The following BNIP2 variants were observed in gnomAD, a reference collection of about 807,000 sequenced individuals.
BNIP2 encodes BCL2 interacting protein 2, also known as BCL2/adenovirus E1B 19 kDa protein-interacting protein 2.
A neutral mutation model predicts 43.4 loss-of-function variants in BNIP2; 36 were observed. That is an observed-to-expected ratio of 0.83 (90% confidence interval 0.64 to 1.10). The LOEUF (loss-of-function observed/expected upper bound fraction) is 1.10. Among genes scored for constraint, BNIP2 ranks in the 50% least tolerant of loss-of-function variants. The probability of loss-of-function intolerance (pLI) is 0.00; values close to 1 mark genes in which losing one functional copy is unlikely to be tolerated. For missense variants in BNIP2, 417 were observed against 374.1 expected, an observed-to-expected ratio of 1.11 and a Z score of -0.95; for synonymous variants, 146 against 121.0, an observed-to-expected ratio of 1.21 and a Z score of -1.35.
intron 5 of BNIP2, among the ~76,000 whole-genome samples, chr15:59,675,993 A>C (rs1205992152): frequency 6.6e-6 from 1 of 152,170 alleles, no homozygotes; most frequent in African/African-American, 2.4e-5. Context: ...CTTCTGGGAC[A>C]ATGAAAATGT....
chr15:59,669,674 A>G (rs191935741), intron 7 of BNIP2, among the ~76,000 whole-genome samples: 14 of 152,224 alleles, frequency 9.2e-5, no homozygotes, highest in Admixed American at 2.0e-4. Context: ...ACTGAATGTA[A>G]AAGTAAACTA....
chr15:59,673,172 G>A (rs566395374), intron 5 of BNIP2, among the ~76,000 whole-genome samples: 1 of 150,988 alleles, frequency 6.6e-6, no homozygotes, highest in Non-Finnish European at 1.5e-5. Context: ...AGGCTGGAGG[G>A]CAGTGGCACA....
rs536271903 is a variant in BNIP2, at chr15:59,686,074, G to A, written c.-58+3061C>T. On this transcript the variant is annotated intron_variant, in intron 1 of 9. Coordinates refer to ENST00000607373, the MANE Select transcript of BNIP2 (RefSeq NM_004330.4). ...CTTGGTAGTGGTGGCACATCCTTAT[G>A]CCACTTACTTGTTGCAGTCATAAAG... Among the ~76,000 whole-genome samples the A allele has an allele frequency of 5.3e-5, 8 of 152,276 alleles. No homozygotes were observed. In the South Asian group the frequency reaches 1.7e-3, roughly 32 times the overall value.
At chr15:59,688,484 G>A in intron 1 of BNIP2, 1 of 445,512 alleles carries the variant, frequency 2.2e-6, no homozygotes, top group Non-Finnish European at 4.0e-6. Flanking sequence ...ATGCAACACC[G>A]GAAAAGCTGT....
Position 59,674,770 on chromosome 15 carries a change from C to T in BNIP2, c.473-2031G>A, listed in dbSNP as rs565657894. On this transcript the variant is annotated intron_variant, in intron 5 of 9. Transcript: ENST00000607373. Reference sequence around the variant, plus strand: ...CTGACTTACCACTAACATTCTAGCACTATTTACAATGTGCCTAGGTTAACT... The same window carrying T: ...CTGACTTACCACTAACATTCTAGCATTATTTACAATGTGCCTAGGTTAACT... 2.6e-5 allele frequency among the ~76,000 whole-genome samples: 4 copies of T among 152,318 alleles called. No homozygotes were observed. The East Asian group carries it at 7.7e-4, about 29-fold the overall frequency.
chr15:59,677,471 C>T (rs936681730), intron 5 of BNIP2: 2 of 1,416,370 alleles, frequency 1.4e-6, no homozygotes, highest in African/African-American at 1.4e-5. Context: ...GAGCAGGTGA[C>T]TGGAAATCTA....
chr15:59,666,647 A>G (rs1200875722), intron 9 of BNIP2, among the ~76,000 whole-genome samples: 3 of 152,206 alleles, frequency 2.0e-5, no homozygotes, highest in Non-Finnish European at 2.9e-5. Context: ...TGCCTGGGTG[A>G]CAAGAGTGAA....
rs2306355 is a variant in BNIP2 at position 59,663,452 on chromosome 15, A to G, written c.*617T>C. ...GTACTTGCTGAATTATGAAACAAAT[A>G]TGTTAAATGAGAAAAAAACCTTGGG... On this transcript the variant is annotated 3_prime_UTR_variant, in exon 10 of 10. Coordinates refer to ENST00000607373, the MANE Select transcript of BNIP2 (RefSeq NM_004330.4). 100,305 of 152,588 alleles carry G rather than the reference A, an allele frequency of 0.66. 33,375 individuals are homozygous for G. Among genetic ancestry groups the G allele is most frequent in the African/African-American group, 0.74 (30,903 of 41,532 alleles). The allele number at this position is 152,588 out of a possible 1,614,324, so 9.5% of individuals were successfully genotyped here. A position where few individuals can be genotyped will look rare whatever the true frequency, so the allele number is the denominator to read the frequency against.
intron 5 of BNIP2, among the ~76,000 whole-genome samples, chr15:59,673,324 C>A (rs1054053608): frequency 1.3e-5 from 2 of 151,968 alleles, no homozygotes; most frequent in Non-Finnish European, 2.9e-5. Flanking sequence ...CTAAGTTGGC[C>A]AGACTGGTCT....
At chr15:59,686,941 T>C (rs924292960) in intron 1 of BNIP2, among the ~76,000 whole-genome samples, 4 of 152,114 alleles carry the variant, frequency 2.6e-5, no homozygotes, top group African/African-American at 9.7e-5. Context: ...CGCTTGAACC[T>C]GGGAGGCAGA....
intron 1 of BNIP2, 38 bp downstream of exon 1, chr15:59,689,097 C>T: frequency 6.6e-7 from 1 of 1,523,326 alleles, no homozygotes; most frequent in Non-Finnish European, 8.8e-7. Flanking sequence ...AGTCCAGCTC[C>T]GGAGCCACCG....
chr15:59,665,143 A>T (rs1488212200), intron 9 of BNIP2, among the ~76,000 whole-genome samples: 1 of 152,080 alleles, frequency 6.6e-6, no homozygotes, highest in Non-Finnish European at 1.5e-5. Context: ...ACGCGTCTGT[A>T]GTCCCAGCTA....
intron 3 of BNIP2, among the ~76,000 whole-genome samples, 175 bp from the exon 4 acceptor site, chr15:59,679,943 G>A (rs1298196708): frequency 1.3e-5 from 2 of 151,976 alleles, no homozygotes; most frequent in Non-Finnish European, 2.9e-5. Context: ...CTACATCGTT[G>A]GCAAGAGATC....
At chr15:59,669,848 A>G (rs1381711785) in intron 7 of BNIP2, among the ~76,000 whole-genome samples, 2 of 152,246 alleles carry the variant, frequency 1.3e-5, no homozygotes, top group African/African-American at 4.8e-5. Flanking sequence ...ATTAAAAATT[A>G]AAGGTTTTAT....
rs11071467 is a variant in BNIP2, at chr15:59,660,142, T to C, written c.*3927A>G. 24,925 of 152,152 alleles carry C rather than the reference T, an allele frequency of 0.16. 2,267 individuals are homozygous for C. Among genetic ancestry groups the C allele is most frequent in the Middle Eastern group, 0.27 (78 of 294 alleles). 9.4% of individuals were successfully genotyped at this position (152,152 alleles called of 1,614,324 possible). On this transcript the variant is annotated 3_prime_UTR_variant, in exon 10 of 10. Coordinates refer to ENST00000607373, the MANE Select transcript of BNIP2 (RefSeq NM_004330.4). ...CCATTCAAGTCTAAGTTCTTGACTC[T>C]TTCTCGCAGCAACTCAAACTACACA...
intron 5 of BNIP2, among the ~76,000 whole-genome samples, chr15:59,673,701 G>A (rs1455522142): frequency 1.3e-5 from 2 of 152,160 alleles, no homozygotes; most frequent in Non-Finnish European, 2.9e-5. Context: ...AAAGCACTGG[G>A]CATGAGCCAC....
At chr15:59,678,119 T>G in intron 4 of BNIP2, 32 bp from the exon 5 acceptor site, 2 of 1,577,560 alleles carry the variant, frequency 1.3e-6, no homozygotes, top group Non-Finnish European at 1.7e-6. Context: ...GAATCACAAA[T>G]TGTTACACAA....
At chr15:59,673,790 C>T (rs1347551880) in intron 5 of BNIP2, among the ~76,000 whole-genome samples, 3 of 152,032 alleles carry the variant, frequency 2.0e-5, no homozygotes, top group African/African-American at 2.4e-5. Flanking sequence ...GAAATTAGGA[C>T]ATTAAAACTA....
At chr15:59,687,659 T>C (rs1203497978) in intron 1 of BNIP2, among the ~76,000 whole-genome samples, 2 of 152,086 alleles carry the variant, frequency 1.3e-5, no homozygotes, top group Non-Finnish European at 2.9e-5. Context: ...TTTCAATCTA[T>C]CAGCCCGGTA....
Sources: gnomAD v4.1 joint callset for allele counts (sites outside exome capture counted in the v4.1 genomes callset) on GRCh38, gnomAD v4.1.1 for gene constraint, MANE v1.5 for transcripts, NCBI Gene and HGNC (gene_info 2026-07-23, HGNC 2026-07-21) for gene names.